PTGER3: variants seen among roughly 807,000 people sequenced by gnomAD.
The protein encoded by PTGER3 is prostaglandin E receptor 3.
A neutral mutation model predicts 34.7 loss-of-function variants in PTGER3; 22 were observed. The ratio of observed to expected loss-of-function variants is 0.63; its 90% confidence interval spans 0.45 to 0.91. The LOEUF (loss-of-function observed/expected upper bound fraction) is 0.91, where lower values mean the gene tolerates loss of function less well. Among genes scored for constraint, PTGER3 ranks in the 40% least tolerant of loss-of-function variants. PTGER3 has a pLI of 0.00. For missense variants in PTGER3, 468 were observed against 519.4 expected, an observed-to-expected ratio of 0.90 and a Z score of 0.96; for synonymous variants, 241 against 230.1, an observed-to-expected ratio of 1.05 and a Z score of -0.43.
intron 2 of PTGER3, chr1:71,011,070 C>T (rs963663659): frequency 9.1e-6 from 9 of 985,542 alleles, no homozygotes; most frequent in Non-Finnish European, 9.6e-6. Context: ...TACAGGATTA[C>T]TATGTTTGGT....
chr1:70,934,324 G>A (rs766642844), intron 4 of PTGER3, among the ~76,000 whole-genome samples: 3 of 152,122 alleles, frequency 2.0e-5, no homozygotes, highest in Non-Finnish European at 4.4e-5. Flanking sequence ...TCACAGTCAT[G>A]TGTCTCTGAG....
intron 1 of PTGER3, among the ~76,000 whole-genome samples, chr1:71,015,965 C>T (rs1657855141): frequency 6.6e-6 from 1 of 152,230 alleles, no homozygotes; most frequent in Admixed American, 6.5e-5. Context: ...CAGTGTCTCA[C>T]TCCGTCACCA....
chr1:71,032,162 T>C (rs1441809805), intron 1 of PTGER3, among the ~76,000 whole-genome samples: 1 of 152,206 alleles, frequency 6.6e-6, no homozygotes, highest in Non-Finnish European at 1.5e-5. Context: ...AAAGAACTTC[T>C]TTTTTCTTCT....
At chr1:70,986,430 C>T (rs1654919969) in intron 2 of PTGER3, among the ~76,000 whole-genome samples, 1 of 152,128 alleles carries the variant, frequency 6.6e-6, no homozygotes, top group Non-Finnish European at 1.5e-5. Flanking sequence ...ACAGCAGTTC[C>T]TATGAGGGGA....
At chr1:70,922,990 T>G (rs1647696824) in intron 4 of PTGER3, among the ~76,000 whole-genome samples, 1 of 152,196 alleles carries the variant, frequency 6.6e-6, no homozygotes, top group Non-Finnish European at 1.5e-5. Flanking sequence ...CTGCTTATGA[T>G]CTGACCTGTA....
At chr1:70,901,718 T>C (rs1408714334) in intron 4 of PTGER3, among the ~76,000 whole-genome samples, 1 of 152,092 alleles carries the variant, frequency 6.6e-6, no homozygotes, top group Non-Finnish European at 1.5e-5. Context: ...TTTTGAAAAA[T>C]CATGAAGGCA....
At chr1:70,957,499 T>A (rs1438338012) in intron 2 of PTGER3, among the ~76,000 whole-genome samples, 1 of 152,214 alleles carries the variant, frequency 6.6e-6, no homozygotes, top group Non-Finnish European at 1.5e-5. Flanking sequence ...AGGGAAAACT[T>A]CCAGATAATA....
intron 4 of PTGER3, chr1:70,852,986 G>A (rs1645715775): frequency 1.8e-6 from 2 of 1,085,118 alleles, no homozygotes; most frequent in Non-Finnish European, 1.4e-6. Context: ...ATCACTTACA[G>A]CAGTATAACA....
intron 4 of PTGER3, among the ~76,000 whole-genome samples, chr1:70,867,274 G>T (rs1426732549): frequency 6.6e-6 from 1 of 152,188 alleles, no homozygotes; most frequent in Admixed American, 6.5e-5. Flanking sequence ...TCTGCATTAT[G>T]TTGCAGGCTT....
intron 4 of PTGER3, among the ~76,000 whole-genome samples, chr1:70,905,273 A>C (rs1176489818): frequency 1.3e-5 from 2 of 152,164 alleles, no homozygotes; most frequent in Non-Finnish European, 2.9e-5. Context: ...GCAGAAGGGA[A>C]ACGTGGGGTC....
At position 70,936,697 on chromosome 1, in the gene PTGER3, G is replaced by A. The variant is rs567456219; in HGVS notation, c.*23+17066C>T. On this transcript the variant is annotated intron_variant, in intron 4 of 4. Coordinates refer to the PTGER3 transcript ENST00000370931. ...AGACTATGTAACACAAGAGAACAAA[G>A]GTGGCTTAGACAAATTTTAGGTGTT... Among the ~76,000 whole-genome samples, 18 of 152,176 alleles carry A rather than the reference G, an allele frequency of 1.2e-4. No individual in the cohort carries two copies. The East Asian group carries it at 2.3e-3, about 20-fold the overall frequency.
intron 2 of PTGER3, among the ~76,000 whole-genome samples, chr1:70,982,900 A>G (rs551069785): frequency 6.6e-6 from 1 of 152,338 alleles, no homozygotes; most frequent in East Asian, 1.9e-4. Context: ...CAGTGTAAAC[A>G]TATATCAACA....
intron 4 of PTGER3, among the ~76,000 whole-genome samples, chr1:70,944,450 C>T (rs750720674): frequency 1.1e-4 from 16 of 152,050 alleles, no homozygotes; most frequent in African/African-American, 2.7e-4. Context: ...GGGCAAAAGA[C>T]AGAAAAACCC....
At chr1:71,016,520 A>G (rs1040078736) in intron 1 of PTGER3, among the ~76,000 whole-genome samples, 2 of 152,112 alleles carry the variant, frequency 1.3e-5, no homozygotes, top group African/African-American at 2.4e-5. Flanking sequence ...GTATGTACAC[A>G]GGCCAGGTGT....
At chr1:71,028,346 C>G (rs1204369059) in intron 1 of PTGER3, among the ~76,000 whole-genome samples, 1 of 152,152 alleles carries the variant, frequency 6.6e-6, no homozygotes. Context: ...AGGATGAAGC[C>G]AAGACTGTAC....
At position 71,016,122 on chromosome 1, in the gene PTGER3, G is replaced by A. The variant is rs529544929; in HGVS notation, c.898-3638C>T. ...TAATATTTTTATTTTTTGTAGTGAC[G>A]GGGTCTCACTATGTTAACTAGGCTG... On this transcript the variant is annotated intron_variant, in intron 1 of 3. Coordinates refer to ENST00000306666, the MANE Select transcript of PTGER3 (RefSeq NM_198719.2). Among the ~76,000 whole-genome samples the A allele has an allele frequency of 5.7e-4, 87 of 152,136 alleles. 1 individual carries two copies. In the South Asian group the frequency reaches 0.011, roughly 19 times the overall value.
At chr1:71,026,580 G>C (rs1265233942) in intron 1 of PTGER3, among the ~76,000 whole-genome samples, 1 of 151,694 alleles carries the variant, frequency 6.6e-6, no homozygotes, top group African/African-American at 2.4e-5. Flanking sequence ...CATCTTCCGT[G>C]TTTACCCCCT....
Position 71,009,009 on chromosome 1 carries a change from T to C in PTGER3, c.1077+3296A>G, listed in dbSNP as rs934443850. On this transcript the variant is annotated intron_variant, in intron 2 of 3. Transcript: ENST00000306666. ...AAAGAACAAAAGTTTTCTATTTTCT[T>C]TTTCTGAGTTGATCTCAACCAAAAG... The C allele has an allele frequency of 7.1e-6, 7 of 984,100 alleles. No homozygotes were observed. In the African/African-American group the frequency reaches 1.2e-4, roughly 17 times the overall value. 61.0% of individuals were successfully genotyped at this position (984,100 alleles called of 1,614,324 possible). A position where few individuals can be genotyped will look rare whatever the true frequency, so the allele number is the denominator to read the frequency against.
intron 2 of PTGER3, chr1:71,007,784 G>A (rs1021264920): frequency 7.1e-6 from 7 of 985,024 alleles, no homozygotes; most frequent in Non-Finnish European, 8.4e-6. Context: ...TTGCCTAGAC[G>A]TTTGGCTTAC....
Sources: allele counts gnomAD v4.1 joint callset (sites outside exome capture counted in the v4.1 genomes callset), GRCh38; gene constraint gnomAD v4.1.1; transcripts MANE v1.5; gene names NCBI Gene and HGNC (gene_info 2026-07-23, HGNC 2026-07-21).